NAALADL2: variants seen among roughly 807,000 people sequenced by gnomAD.
NAALADL2 encodes inactive N-acetylated-alpha-linked acidic dipeptidase-like protein 2.
In NAALADL2, 76 loss-of-function variants were observed where a neutral mutation model predicts 87.2. The ratio of observed to expected loss-of-function variants is 0.87; its 90% CI spans 0.72 to 1.05. The LOEUF (loss-of-function observed/expected upper bound fraction) is 1.05, where lower values mean the gene tolerates loss of function less well. Ranked by LOEUF, NAALADL2 falls within the 50% of genes least tolerant of loss-of-function variation. NAALADL2 has a pLI of 0.00. For missense variants in NAALADL2, 1,089 were observed against 945.8 expected, an observed-to-expected ratio of 1.15 and a Z score of -1.99; for synonymous variants, 354 against 331.0, an observed-to-expected ratio of 1.07 and a Z score of -0.75.
At chr3:174,583,407 G>A (rs1468474991) in intron 2 of NAALADL2, among the ~76,000 whole-genome samples, 1 of 152,174 alleles carries the variant, frequency 6.6e-6, no homozygotes, top group Admixed American at 6.5e-5. Context: ...AGATATTTTA[G>A]TTAACCCAAA....
At chr3:174,725,542 G>T (rs924753686) in intron 2 of NAALADL2, among the ~76,000 whole-genome samples, 2 of 152,080 alleles carry the variant, frequency 1.3e-5, no homozygotes, top group African/African-American at 4.8e-5. Context: ...AAACCATTTC[G>T]TAATTTCTCC....
At chr3:175,030,799 A>G (rs1192774992) in intron 1 of NAALADL2, among the ~76,000 whole-genome samples, 1 of 152,062 alleles carries the variant, frequency 6.6e-6, no homozygotes, top group Non-Finnish European at 1.5e-5. Flanking sequence ...GTATTTGTTC[A>G]ATGTATTTAG....
intron 3 of NAALADL2, among the ~76,000 whole-genome samples, chr3:174,739,611 T>G (rs1194586049): frequency 6.6e-6 from 1 of 152,050 alleles, no homozygotes; most frequent in African/African-American, 2.4e-5. Context: ...TTTAGGTGGG[T>G]TTTTCCATGT....
chr3:174,708,125 A>G (rs1168473778), intron 2 of NAALADL2, among the ~76,000 whole-genome samples: 1 of 152,184 alleles, frequency 6.6e-6, no homozygotes, highest in African/African-American at 2.4e-5. Context: ...AAGATAAATC[A>G]GTGATTATAA....
At chr3:175,262,079 T>G (rs1224788086) in intron 4 of NAALADL2, among the ~76,000 whole-genome samples, 1 of 152,024 alleles carries the variant, frequency 6.6e-6, no homozygotes, top group Admixed American at 6.6e-5. Flanking sequence ...ATCCAGAAAA[T>G]AATTACATTT....
At chr3:175,788,921 AT>A (rs1752441705) in intron 13 of NAALADL2, among the ~76,000 whole-genome samples, 1 of 152,194 alleles carries the variant, frequency 6.6e-6, no homozygotes, top group Non-Finnish European at 1.5e-5. Flanking sequence ...GATCTCCAAC[AT>A]CTCTAAATTA....
intron 2 of NAALADL2, among the ~76,000 whole-genome samples, chr3:174,587,807 C>A (rs1716895748): frequency 6.6e-6 from 1 of 152,126 alleles, no homozygotes; most frequent in Non-Finnish European, 1.5e-5. Context: ...CTGCCCTTAA[C>A]ATTTTTTCCT....
intron 2 of NAALADL2, among the ~76,000 whole-genome samples, chr3:174,578,379 A>G (rs964709865): frequency 6.6e-6 from 1 of 151,982 alleles, no homozygotes; most frequent in Non-Finnish European, 1.5e-5. Flanking sequence ...ATTGAAAATC[A>G]TTACATTATA....
intron 13 of NAALADL2, among the ~76,000 whole-genome samples, chr3:175,760,333 A>T (rs1747836078): frequency 1.3e-5 from 2 of 152,182 alleles, no homozygotes; most frequent in Admixed American, 6.5e-5. Flanking sequence ...AGTCATTTCC[A>T]GCTCTACAGA....
intron 3 of NAALADL2, among the ~76,000 whole-genome samples, chr3:174,817,428 C>T (rs923515015): frequency 6.6e-6 from 1 of 152,002 alleles, no homozygotes; most frequent in African/African-American, 2.4e-5. Flanking sequence ...AGAGTGACAC[C>T]ATGTCTCTAC....
At chr3:175,351,132 G>A (rs1763713872) in intron 5 of NAALADL2, among the ~76,000 whole-genome samples, 1 of 152,028 alleles carries the variant, frequency 6.6e-6, no homozygotes, top group African/African-American at 2.4e-5. Context: ...TAACTTCAAT[G>A]AGTCTCACTT....
At chr3:175,698,353 A>G (rs1177912912) in intron 11 of NAALADL2, among the ~76,000 whole-genome samples, 1 of 120,980 alleles carries the variant, frequency 8.3e-6, no homozygotes, top group Non-Finnish European at 1.6e-5. Context: ...ATGTGTATTT[A>G]TGTATGTGTA....
chr3:174,530,749 C>G (rs1188685397), intron 1 of NAALADL2, among the ~76,000 whole-genome samples: 1 of 152,118 alleles, frequency 6.6e-6, no homozygotes, highest in East Asian at 1.9e-4. Context: ...ATACTTACCC[C>G]CCACCGGGTC....
At chr3:174,506,867 A>ATT (rs150087197) in intron 1 of NAALADL2, among the ~76,000 whole-genome samples, 2 of 151,614 alleles carry the variant, frequency 1.3e-5, no homozygotes, top group Admixed American at 1.3e-4. Flanking sequence ...TCTTTTTCTT[A>ATT]TTTTTTTATT....
chr3:174,554,952 T>C (rs1469706480), intron 2 of NAALADL2, among the ~76,000 whole-genome samples: 8 of 152,210 alleles, frequency 5.3e-5, no homozygotes, highest in Non-Finnish European at 1.2e-4. Context: ...TGTTCTTCTA[T>C]GTTTCTTCAC....
chr3:174,882,783 A>ACG (rs1729532153), intron 1 of NAALADL2, among the ~76,000 whole-genome samples: 1 of 106,384 alleles, frequency 9.4e-6, no homozygotes, highest in African/African-American at 4.5e-5. Context: ...ATATATACAT[A>ACG]TGTGTATATA....
intron 1 of NAALADL2, among the ~76,000 whole-genome samples, chr3:175,030,095 A>G (rs1300222064): frequency 6.6e-6 from 1 of 152,034 alleles, no homozygotes; most frequent in African/African-American, 2.4e-5. Flanking sequence ...CTGCCATCTG[A>G]CTGCCTTAGA....
At chr3:175,233,268 CAAAG>C (rs1237485812) in intron 2 of NAALADL2, among the ~76,000 whole-genome samples, 1 of 152,030 alleles carries the variant, frequency 6.6e-6, no homozygotes, top group Non-Finnish European at 1.5e-5. Flanking sequence ...TTAACTATAA[CAAAG>C]AAATGTCTCA....
intron 3 of NAALADL2, among the ~76,000 whole-genome samples, chr3:174,756,286 A>C (rs1712063825): frequency 6.6e-6 from 1 of 152,340 alleles, no homozygotes; most frequent in Admixed American, 6.5e-5. Flanking sequence ...AGTCCAAATT[A>C]ACCAACCAGT....
Sources: gnomAD v4.1 joint callset for allele counts (sites outside exome capture counted in the v4.1 genomes callset) on GRCh38, gnomAD v4.1.1 for gene constraint, MANE v1.5 for transcripts, NCBI Gene and HGNC (gene_info 2026-07-23, HGNC 2026-07-21) for gene names.